RBM33: variants seen among roughly 807,000 people sequenced by gnomAD.
The protein encoded by RBM33 is RNA-binding protein 33.
RBM33 carries 28 observed loss-of-function variants against 132.6 expected under a neutral mutation model. That is an observed-to-expected ratio of 0.21 (90% CI 0.16 to 0.29). RBM33 has a LOEUF of 0.29. Ranked by LOEUF, RBM33 falls within the 10% of genes least tolerant of loss-of-function variation. The pLI, the probability that RBM33 is intolerant of heterozygous loss-of-function variation, is 1.00. For synonymous variants in RBM33, 634 were observed against 593.0 expected (o/e 1.07, Z -1.01); for missense variants, 1,291 against 1,518.5 (o/e 0.85, Z 2.49).
At chr7:155,700,669 A>T in intron 5 of RBM33, 104 bp from the exon 6 acceptor site, 1 of 842,748 alleles carries the variant, frequency 1.2e-6, no homozygotes, top group Non-Finnish European at 1.7e-6. Flanking sequence ...AGTATTTTTT[A>T]CATCTGAAAT....
At chr7:155,742,493 G>GT (rs751013153) in intron 13 of RBM33, among the ~76,000 whole-genome samples, 1 of 152,178 alleles carries the variant, frequency 6.6e-6, no homozygotes, top group Non-Finnish European at 1.5e-5. Flanking sequence ...ATGAATAGAT[G>GT]TGACTGCGTT....
Position 155,673,955 on chromosome 7 carries a change from T to G in RBM33, c.171+1040T>G, listed in dbSNP as rs1314067762. On this transcript the variant is annotated intron_variant, in intron 3 of 17. Transcript: ENST00000401878. Reference sequence around the variant, plus strand: ...TTTAGGCTTAGTTTTTTTTTTTTTTTTTTTTTTTTTTTTTTTTGAGACACA... The same window carrying G: ...TTTAGGCTTAGTTTTTTTTTTTTTTGTTTTTTTTTTTTTTTTTGAGACACA... 7.0e-3 allele frequency among the ~76,000 whole-genome samples: 834 copies of G among 119,808 alleles called. 96 individuals are homozygous for G. Among genetic ancestry groups the G allele is most frequent in the South Asian group, 0.011 (36 of 3,152 alleles). 78.6% of individuals were successfully genotyped at this position (119,808 alleles called of 152,430 possible). A position where few individuals can be genotyped will look rare whatever the true frequency, so the allele number is the denominator to read the frequency against.
intron 9 of RBM33, among the ~76,000 whole-genome samples, chr7:155,722,178 A>G (rs1438940343): frequency 1.3e-5 from 2 of 152,184 alleles, no homozygotes; most frequent in African/African-American, 4.8e-5. Context: ...GAATACTTAC[A>G]TGGGCTGATG....
chr7:155,735,691 G>GTC (rs10556581), intron 9 of RBM33, among the ~76,000 whole-genome samples: 12 of 146,534 alleles, frequency 8.2e-5, no homozygotes, highest in Admixed American at 6.8e-4. Context: ...GCAAGACCCT[G>GTC]TCTCTCTCTC....
chr7:155,679,363 T>C (rs1371673663), intron 4 of RBM33, among the ~76,000 whole-genome samples: 1 of 152,144 alleles, frequency 6.6e-6, no homozygotes, highest in Non-Finnish European at 1.5e-5. Flanking sequence ...TGCATTTGTC[T>C]TCATTTTAGC....
In RBM33 at chr7:155,724,514, C is replaced by T. The variant is rs981507147; in HGVS notation, c.1260+6071C>T. ...CTGCTCTCCAGCCTGGGCGATGGAG[C>T]GAGACTCCGTGTCAAGTAAGAACGA... is the stretch of plus-strand genomic sequence containing the variant. On this transcript the variant is annotated intron_variant, in intron 9 of 17. Transcript: ENST00000401878. 8.5e-5 allele frequency among the ~76,000 whole-genome samples: 13 copies of T among 152,182 alleles called. No homozygotes were observed. In the South Asian group the frequency reaches 1.5e-3, roughly 17 times the overall value.
intron 1 of RBM33, among the ~76,000 whole-genome samples, chr7:155,661,282 G>A (rs998223595): frequency 1.3e-5 from 2 of 150,564 alleles, no homozygotes; most frequent in African/African-American, 4.9e-5. Flanking sequence ...GGGATTACAG[G>A]CATGCATTAC....
chr7:155,673,402 TTGTGTGTG>T (rs200441063), intron 3 of RBM33, among the ~76,000 whole-genome samples: 1,133 of 45,160 alleles, frequency 0.025, 14 homozygotes, highest in South Asian at 0.047. Flanking sequence ...TTTATATATA[TTGTGTGTG>T]TGTGTGTGTG....
intron 14 of RBM33, among the ~76,000 whole-genome samples, chr7:155,747,639 G>A (rs539549233): frequency 1.3e-5 from 2 of 152,194 alleles, no homozygotes; most frequent in South Asian, 4.1e-4. Flanking sequence ...ACAATAAATA[G>A]GAAAAACAAA....
intron 3 of RBM33, among the ~76,000 whole-genome samples, chr7:155,673,739 TACAC>T (rs1275524435): frequency 7.8e-6 from 1 of 127,474 alleles, no homozygotes; most frequent in Admixed American, 7.8e-5. Flanking sequence ...CATATATACA[TACAC>T]ACGTGTATAT....
intron 14 of RBM33, among the ~76,000 whole-genome samples, chr7:155,758,048 A>G (rs2117057600): frequency 6.6e-6 from 1 of 152,308 alleles, no homozygotes; most frequent in Non-Finnish European, 1.5e-5. Flanking sequence ...ATACATTTCA[A>G]CAGAAGATTT....
chr7:155,688,259 A>G (rs1799533730), intron 5 of RBM33, among the ~76,000 whole-genome samples: 1 of 152,156 alleles, frequency 6.6e-6, no homozygotes, highest in Non-Finnish European at 1.5e-5. Context: ...GAGTTCACTC[A>G]TGATTTGGCC....
intron 5 of RBM33, among the ~76,000 whole-genome samples, chr7:155,696,775 C>T (rs1452278318): frequency 6.6e-6 from 1 of 152,138 alleles, no homozygotes; most frequent in African/African-American, 2.4e-5. Context: ...GGTCTAGGAC[C>T]CAAGCCACAT....
chr7:155,695,703 T>C (rs1013605475), intron 5 of RBM33, among the ~76,000 whole-genome samples: 1 of 152,198 alleles, frequency 6.6e-6, no homozygotes, highest in African/African-American at 2.4e-5. Context: ...TCAAGTGATC[T>C]GCCCGCCTTG....
At chr7:155,737,419 C>G (rs754217974) in intron 9 of RBM33, 111 bp from the exon 10 acceptor site, 8 of 1,062,200 alleles carry the variant, frequency 7.5e-6, no homozygotes, top group African/African-American at 1.7e-5. Flanking sequence ...TTAGGAGACA[C>G]GTTACTTGAC....
intron 9 of RBM33, among the ~76,000 whole-genome samples, chr7:155,728,724 T>G (rs1021071806): frequency 2.0e-4 from 31 of 152,172 alleles, no homozygotes; most frequent in Admixed American, 1.7e-3. Flanking sequence ...CACTTACATA[T>G]GTGATGATAA....
chr7:155,764,679 C>G (rs1369096086), intron 15 of RBM33, among the ~76,000 whole-genome samples: 1 of 152,212 alleles, frequency 6.6e-6, no homozygotes, highest in Non-Finnish European at 1.5e-5. Context: ...TCCCCAGAGT[C>G]TTGAGAGTGA....
intron 16 of RBM33, among the ~76,000 whole-genome samples, chr7:155,770,466 A>AAG (rs1802386894): frequency 6.6e-6 from 1 of 152,092 alleles, no homozygotes; most frequent in African/African-American, 2.4e-5. Flanking sequence ...CCTGCCAGGG[A>AAG]GTGCCTCCCC....
intron 5 of RBM33, chr7:155,685,103 C>A: frequency 6.5e-7 from 1 of 1,530,988 alleles, no homozygotes; most frequent in Non-Finnish European, 8.8e-7. Flanking sequence ...TTCCCTCCCC[C>A]AGACTTAAAA....
Sources: allele counts gnomAD v4.1 joint callset (sites outside exome capture counted in the v4.1 genomes callset), GRCh38; gene constraint gnomAD v4.1.1; transcripts MANE v1.5; gene names NCBI Gene and HGNC (gene_info 2026-07-23, HGNC 2026-07-21).